The following POLDIP3 variants were observed in gnomAD, a reference collection of about 807,000 sequenced individuals.
The protein encoded by POLDIP3 is polymerase delta-interacting protein 3.
A neutral mutation model predicts 45.1 loss-of-function variants in POLDIP3; 14 were observed. That is an observed-to-expected ratio of 0.31 (90% confidence interval 0.20 to 0.49). The LOEUF (loss-of-function observed/expected upper bound fraction) is 0.49. Ranked by LOEUF, POLDIP3 falls within the 20% of genes least tolerant of loss-of-function variation. POLDIP3 has a pLI of 0.99. For synonymous variants in POLDIP3, 223 were observed against 205.2 expected (o/e 1.09, Z -0.74); for missense variants, 511 against 538.8 (o/e 0.95, Z 0.51).
intron 5 of POLDIP3, 56 bp downstream of exon 5, chr22:42,596,126 GTACA>G: frequency 6.5e-7 from 1 of 1,546,132 alleles, no homozygotes; most frequent in South Asian, 1.2e-5. Context: ...ACACAATGAG[GTACA>G]TATAAGCATA....
intron 1 of POLDIP3, among the ~76,000 whole-genome samples, chr22:42,613,472 G>C (rs1479933493): frequency 2.6e-5 from 4 of 152,194 alleles, no homozygotes; most frequent in African/African-American, 9.6e-5. Context: ...ATAAACATCT[G>C]CGGAATGGCC....
chr22:42,611,986 GT>G (rs1927148116), intron 1 of POLDIP3, among the ~76,000 whole-genome samples: 2 of 152,228 alleles, frequency 1.3e-5, no homozygotes, highest in Non-Finnish European at 2.9e-5. Flanking sequence ...ACTGGATCTA[GT>G]TTTTCTTTGT....
At chr22:42,611,791 C>T (rs1409539203) in intron 1 of POLDIP3, among the ~76,000 whole-genome samples, 4 of 151,948 alleles carry the variant, frequency 2.6e-5, no homozygotes, top group Non-Finnish European at 5.9e-5. Context: ...GCAGGAGAAT[C>T]GCTTGAACCT....
chr22:42,588,618 TTTTC>T (rs1213456592), intron 7 of POLDIP3, among the ~76,000 whole-genome samples: 119 of 149,888 alleles, frequency 7.9e-4, no homozygotes, highest in Middle Eastern at 3.4e-3. Flanking sequence ...GGTGACACAT[TTTTC>T]TTTCTTTCTT....
At chr22:42,594,043 T>C (rs1218430603) in intron 6 of POLDIP3, among the ~76,000 whole-genome samples, 1 of 152,124 alleles carries the variant, frequency 6.6e-6, no homozygotes, top group African/African-American at 2.4e-5. Context: ...AGGCAGATCA[T>C]GAGGTCAGGA....
intron 1 of POLDIP3, among the ~76,000 whole-genome samples, chr22:42,607,978 T>TG (rs898772643): frequency 6.8e-6 from 1 of 146,574 alleles, no homozygotes; most frequent in African/African-American, 2.6e-5. Context: ...GTTCGGGAGG[T>TG]GGGGGGCGCC....
intron 4 of POLDIP3, among the ~76,000 whole-genome samples, chr22:42,597,144 C>A (rs1015975001): frequency 1.3e-5 from 2 of 152,138 alleles, no homozygotes; most frequent in Admixed American, 1.3e-4. Context: ...GTGCAGATCA[C>A]CAAAAACAGC....
chr22:42,595,581 T>A lies in POLDIP3; in HGVS notation c.847A>T (p.Thr283Ser). 1.9e-6 allele frequency: 3 copies of A among 1,614,058 alleles called. No homozygotes were observed. Among genetic ancestry groups the A allele is most frequent in the Non-Finnish European group, 2.5e-6 (3 of 1,179,960 alleles). ...VLSPLEGTKM[T>S]VNNLHPRVTE... ...ACTCGAGGGTGCAGATTATTCACAG[T>A]CATCTTGGTGCCTTCCAATGGGCTG... Residue 283 changes from threonine (T) to serine (S), a missense_variant, in exon 6 of 9, where the codon ACT becomes TCT. Transcript: ENST00000252115.
At chr22:42,612,811 G>A (rs1438801360) in intron 1 of POLDIP3, among the ~76,000 whole-genome samples, 3 of 152,090 alleles carry the variant, frequency 2.0e-5, no homozygotes, top group Non-Finnish European at 2.9e-5. Flanking sequence ...GAGCAATACA[G>A]TGAGACTCCC....
rs1293916904 is a variant in POLDIP3 at position 42,592,100 on chromosome 22, G to C, written c.892-16C>G. 2 of 1,614,044 alleles carry C rather than the reference G, an allele frequency of 1.2e-6. No individual in the cohort carries two copies. The highest frequency in any genetic ancestry group is 1.7e-6 in the Non-Finnish European group (2 of 1,179,890). On this transcript the variant is annotated splice_polypyrimidine_tract_variant and intron_variant, in intron 6 of 8. Transcript: ENST00000252115. ...AGAAAAGCTCCTGCACACAACAAGA[G>C]GGGTTGGGATTGGGGAAGGATTTCT...
At position 42,596,199 on chromosome 22, in the gene POLDIP3, A is replaced by T. The variant is rs899420922; in HGVS notation, c.800T>A (p.Leu267Gln). The change falls in exon 5 of 9, where the codon CTG (leucine) becomes CAG (glutamine). Residue 267 changes from leucine to glutamine, a missense_variant. By Grantham distance (113) the Leu-to-Gln change is moderately radical. This residue lies in a region of POLDIP3 where 378 missense variants were observed against 352.3 expected (regional missense o/e 1.07). Transcript: ENST00000252115. ...CCATCACCTCACCTCAGCAGCTGGC[A>T]GCTCTTTGGGGGGTTCTTCCTTGTT... ...LVNKEEPPKE[L>Q]PAAEPVLSPL... 7 of 1,614,020 alleles carry T rather than the reference A, an allele frequency of 4.3e-6. No individual in the cohort carries two copies. Among genetic ancestry groups the T allele is most frequent in the Non-Finnish European group, 5.9e-6 (7 of 1,180,016 alleles).
chr22:42,591,617 G>C (rs1435726968), intron 7 of POLDIP3, among the ~76,000 whole-genome samples: 2 of 152,220 alleles, frequency 1.3e-5, no homozygotes, highest in Non-Finnish European at 2.9e-5. Flanking sequence ...TCCAGGGCTG[G>C]GAGGAACTTC....
intron 7 of POLDIP3, among the ~76,000 whole-genome samples, chr22:42,591,077 A>T (rs201364361): frequency 8.9e-6 from 1 of 112,150 alleles, no homozygotes; most frequent in Admixed American, 8.1e-5. Flanking sequence ...CAAAAAAAAT[A>T]AAAAAATAAA....
At position 42,585,806 on chromosome 22, in the gene POLDIP3, G is replaced by A. The variant is rs1161306953; in HGVS notation, c.1251C>T (p.Phe417=). 6.2e-7 allele frequency: 1 copy of A among 1,611,934 alleles called. No homozygotes were observed. Among genetic ancestry groups the A allele is most frequent in the South Asian group, 1.1e-5 (1 of 90,928 alleles). Residue 417 remains phenylalanine, a synonymous_variant, in exon 9 of 9, where the codon TTC becomes TTT. Coordinates refer to ENST00000252115, the MANE Select transcript of POLDIP3 (RefSeq NM_032311.5). ...ACTCCCCTGCTCAAAGCTTGATTTT[G>A]AATTCTGTGGGCTGCGTGGTCACAG... The part of the protein sequence containing the change: ...GASVTTQPTE[F]KIKL
chr22:42,591,416 G>C (rs1414573747), intron 7 of POLDIP3, among the ~76,000 whole-genome samples: 1 of 152,108 alleles, frequency 6.6e-6, no homozygotes, highest in African/African-American at 2.4e-5. Context: ...TCCACTTCTA[G>C]CACAGGGCCT....
intron 5 of POLDIP3, among the ~76,000 whole-genome samples, chr22:42,595,853 AG>A (rs1569298406): frequency 1.3e-5 from 2 of 152,218 alleles, no homozygotes; most frequent in Non-Finnish European, 2.9e-5. Context: ...TCTACCTGGA[AG>A]GCTACTCATG....
intron 1 of POLDIP3, among the ~76,000 whole-genome samples, chr22:42,609,253 T>C (rs1367444648): frequency 1.3e-5 from 2 of 152,168 alleles, no homozygotes; most frequent in East Asian, 3.8e-4. Flanking sequence ...CAGTAAATGT[T>C]TGGGAGGGCG....
At chr22:42,611,786 A>T (rs1337856770) in intron 1 of POLDIP3, among the ~76,000 whole-genome samples, 1 of 152,102 alleles carries the variant, frequency 6.6e-6, no homozygotes, top group Non-Finnish European at 1.5e-5. Context: ...CTGAGGCAGG[A>T]GAATCGCTTG....
At chr22:42,612,932 A>G (rs541476471) in intron 1 of POLDIP3, among the ~76,000 whole-genome samples, 4 of 152,344 alleles carry the variant, frequency 2.6e-5, no homozygotes, top group African/African-American at 9.6e-5. Context: ...GGCCAGGGAA[A>G]CAGAACCCAA....
Sources: allele counts gnomAD v4.1 joint callset (sites outside exome capture counted in the v4.1 genomes callset), GRCh38; gene constraint gnomAD v4.1.1; regional missense constraint gnomAD v4.1.1; transcripts MANE v1.5; gene names NCBI Gene and HGNC (gene_info 2026-07-23, HGNC 2026-07-21).